Variants in FUT9 observed in about 807,000 individuals in gnomAD.
FUT9 encodes fucosyltransferase 9.
Under a neutral mutation model 29.7 loss-of-function variants are expected in FUT9, and 15 were observed. That is an observed-to-expected ratio of 0.51 (90% CI 0.34 to 0.78). FUT9 has a LOEUF of 0.78. FUT9 is among the 30% of genes least tolerant of loss of function. FUT9 has a pLI of 0.01. For synonymous variants in FUT9, 169 were observed against 153.7 expected (o/e 1.10, Z -0.74); for missense variants, 319 against 425.4 (o/e 0.75, Z 2.20).
intron 1 of FUT9, among the ~76,000 whole-genome samples, chr6:96,092,910 G>T (rs1771434986): frequency 1.3e-5 from 2 of 151,924 alleles, no homozygotes; most frequent in Admixed American, 6.6e-5. Context: ...TCAGGTGCAT[G>T]CCACCATGCC....
intron 1 of FUT9, among the ~76,000 whole-genome samples, chr6:96,103,704 C>T (rs1007920557): frequency 1.3e-5 from 2 of 152,170 alleles, no homozygotes; most frequent in Non-Finnish European, 2.9e-5. Context: ...CTCATATCAC[C>T]AGTCATTGGA....
chr6:96,168,398 C>A (rs1265528071), intron 2 of FUT9, among the ~76,000 whole-genome samples: 1 of 152,002 alleles, frequency 6.6e-6, no homozygotes, highest in African/African-American at 2.4e-5. Flanking sequence ...ATGGGAGTTA[C>A]CAAGAACGGA....
At chr6:96,063,896 T>C (rs993790773) in intron 1 of FUT9, among the ~76,000 whole-genome samples, 1 of 152,202 alleles carries the variant, frequency 6.6e-6, no homozygotes, top group African/African-American at 2.4e-5. Context: ...GTCTTTATAA[T>C]TGAATTAAAA....
intron 2 of FUT9, among the ~76,000 whole-genome samples, chr6:96,168,255 G>C (rs539994014): frequency 6.6e-6 from 1 of 152,308 alleles, no homozygotes; most frequent in Admixed American, 6.5e-5. Context: ...CTTCATATAT[G>C]AGTCTAGAGT....
rs12206407 is a variant in FUT9 at position 96,208,935 on chromosome 6, G to A, written c.*4700G>A. On this transcript the variant is annotated 3_prime_UTR_variant, in exon 3 of 3. Coordinates refer to ENST00000302103, the MANE Select transcript of FUT9 (RefSeq NM_006581.4). ...CTGGATGTCTCAATCTAGAGATTTT[G>A]TAGCATTTTGCAAATGGGTATGCTT... is the stretch of plus-strand genomic sequence containing the variant. 28,674 of 165,912 alleles carry A rather than the reference G, an allele frequency of 0.17. 2,810 individuals carry two copies. The highest frequency in any genetic ancestry group is 0.23 in the East Asian group (1,204 of 5,128). The allele number at this position is 165,912 out of a possible 1,614,324, so 10.3% of individuals were successfully genotyped here.
rs895830347 is a variant in FUT9 at position 96,020,936 on chromosome 6, A to G, written c.-98+4724A>G. ...TTCAGCCTCTCTTTATTGAGGGCCT[A>G]TGGGGCAAGAACTGAAGTGATGATG... is the stretch of plus-strand genomic sequence containing the variant. On this transcript the variant is annotated intron_variant, in intron 1 of 2. Coordinates refer to ENST00000302103, the MANE Select transcript of FUT9 (RefSeq NM_006581.4). 9.9e-5 allele frequency: 15 copies of G among 152,196 alleles called. No individual in the cohort carries two copies. The East Asian group carries it at 2.1e-3, about 22-fold the overall frequency. The allele number at this position is 152,196 out of a possible 1,614,324, so 9.4% of individuals were successfully genotyped here. A position where few individuals can be genotyped will look rare whatever the true frequency, so the allele number is the denominator to read the frequency against.
chr6:96,142,499 A>C (rs896225048), intron 2 of FUT9, among the ~76,000 whole-genome samples: 2 of 152,148 alleles, frequency 1.3e-5, no homozygotes, highest in Non-Finnish European at 2.9e-5. Flanking sequence ...AAATGATCAG[A>C]ATCCGGACAG....
rs114983598 is a variant in FUT9, at chr6:96,099,833, A to T, written c.-97-14206A>T. On this transcript the variant is annotated intron_variant, in intron 1 of 2. Transcript: ENST00000302103. The stretch of plus-strand genomic sequence containing the variant: ...GTTGAGTAATTAGTTTCTACCACAG[A>T]CTGAAAAACTCAATGTATGGAGAAC... 6.0e-3 allele frequency among the ~76,000 whole-genome samples: 919 copies of T among 152,262 alleles called. 14 individuals carry two copies. The highest frequency in any genetic ancestry group is 0.021 in the African/African-American group (879 of 41,562).
chr6:96,094,559 G>C (rs748237404), intron 1 of FUT9, among the ~76,000 whole-genome samples: 1 of 152,126 alleles, frequency 6.6e-6, no homozygotes, highest in Non-Finnish European at 1.5e-5. Context: ...AATTCATGCA[G>C]AGCATATATT....
intron 2 of FUT9, among the ~76,000 whole-genome samples, chr6:96,155,270 G>A (rs1036426521): frequency 6.6e-5 from 10 of 152,086 alleles, no homozygotes; most frequent in Non-Finnish European, 1.5e-4. Context: ...TATTGTAAAA[G>A]GTCTTTCTTG....
chr6:96,195,873 G>A (rs1407392165), intron 2 of FUT9, among the ~76,000 whole-genome samples: 3 of 152,132 alleles, frequency 2.0e-5, no homozygotes, highest in Non-Finnish European at 4.4e-5. Context: ...AGATCACAAT[G>A]ATTATATGGG....
At chr6:96,195,816 T>TAGTATTCAG (rs1773614373) in intron 2 of FUT9, among the ~76,000 whole-genome samples, 1 of 152,200 alleles carries the variant, frequency 6.6e-6, no homozygotes, top group African/African-American at 2.4e-5. Context: ...AGCATTCATG[T>TAGTATTCAG]AGTATTCAGA....
chr6:96,108,803 A>C (rs1771742853), intron 1 of FUT9, among the ~76,000 whole-genome samples: 1 of 152,064 alleles, frequency 6.6e-6, no homozygotes, highest in South Asian at 2.1e-4. Context: ...ACTACATTGT[A>C]CCCGAAGCCA....
At chr6:96,063,112 T>C (rs1770904731) in intron 1 of FUT9, among the ~76,000 whole-genome samples, 2 of 152,210 alleles carry the variant, frequency 1.3e-5, no homozygotes, top group Non-Finnish European at 2.9e-5. Flanking sequence ...CTTAGCAGGA[T>C]GTTCCTGGTT....
chr6:96,111,948 T>C (rs1771816689), intron 1 of FUT9, among the ~76,000 whole-genome samples: 2 of 152,180 alleles, frequency 1.3e-5, no homozygotes, highest in African/African-American at 4.8e-5. Context: ...GTGTTTGTGG[T>C]TTTACTCATT....
At chr6:96,148,914 G>C (rs915615106) in intron 2 of FUT9, among the ~76,000 whole-genome samples, 2 of 152,128 alleles carry the variant, frequency 1.3e-5, no homozygotes, top group Admixed American at 6.5e-5. Context: ...CAGCACTTTG[G>C]GAGGCAGAGG....
chr6:96,155,025 G>A (rs1488127919), intron 2 of FUT9, among the ~76,000 whole-genome samples: 1 of 152,126 alleles, frequency 6.6e-6, no homozygotes, highest in Admixed American at 6.5e-5. Context: ...CATTTCAGGT[G>A]GCTCTCAAAT....
intron 2 of FUT9, among the ~76,000 whole-genome samples, chr6:96,179,663 C>A (rs1274476659): frequency 3.3e-5 from 5 of 151,508 alleles, no homozygotes; most frequent in African/African-American, 9.7e-5. Flanking sequence ...ACCTTGCTGG[C>A]TGAAAGAAAA....
chr6:96,050,232 C>T (rs1156591003), intron 1 of FUT9, among the ~76,000 whole-genome samples: 2 of 152,060 alleles, frequency 1.3e-5, no homozygotes, highest in East Asian at 3.9e-4. Flanking sequence ...GAGCAGGGAC[C>T]TGTGTGAATG....
Sources: allele counts gnomAD v4.1 joint callset (sites outside exome capture counted in the v4.1 genomes callset), GRCh38; gene constraint gnomAD v4.1.1; transcripts MANE v1.5; gene names NCBI Gene and HGNC (gene_info 2026-07-23, HGNC 2026-07-21).